The following OPRK1 variants were observed in gnomAD, a reference collection of about 807,000 sequenced individuals.
OPRK1 encodes opioid receptor kappa 1, also known as kappa-type opioid receptor.
Under a neutral mutation model 24.5 loss-of-function variants are expected in OPRK1, and 15 were observed. The ratio of observed to expected loss-of-function variants is 0.61; its 90% CI spans 0.41 to 0.94. The LOEUF (loss-of-function observed/expected upper bound fraction) is 0.94. OPRK1 is among the 40% of genes least tolerant of loss of function. The pLI, the probability that OPRK1 is intolerant of heterozygous loss-of-function variation, is 0.00. For missense variants in OPRK1, 479 were observed against 507.3 expected (o/e 0.94, Z 0.54); for synonymous variants, 205 against 198.0 (o/e 1.04, Z -0.30).
At chr8:53,231,097 G>C (rs10109762) in intron 3 of OPRK1, among the ~76,000 whole-genome samples, 37,124 of 151,958 alleles carry the variant, frequency 0.24, 6,661 homozygotes, top group African/African-American at 0.51. Context: ...AATACCAGAT[G>C]AAACCTTGGA....
intron 3 of OPRK1, among the ~76,000 whole-genome samples, chr8:53,233,352 T>C (rs889323387): frequency 2.0e-5 from 3 of 152,172 alleles, no homozygotes; most frequent in African/African-American, 7.2e-5. Context: ...TAAATGGAAG[T>C]GCCTCTCTGT....
Position 53,235,092 on chromosome 8 carries a change from C to CTGTCT in OPRK1, c.272_276dup (p.Ala93ArgfsTer17). On this transcript the variant is annotated frameshift_variant, in exon 3 of 4. Coordinates refer to ENST00000265572, the MANE Select transcript of OPRK1 (RefSeq NM_000912.5). LOFTEE classifies it high-confidence loss of function. ...AGGTTAAATATGTAAATGTTGGTTG[C>CTGTCT]TGTCTTCATCTTTGTGTATCTAAAA... is the stretch of plus-strand genomic sequence containing the variant. 6.2e-7 allele frequency: 1 copy of CTGTCT among 1,613,414 alleles called. No individual in the cohort carries two copies. Among genetic ancestry groups the CTGTCT allele is most frequent in the Non-Finnish European group, 8.5e-7 (1 of 1,179,500 alleles).
intron 2 of OPRK1, chr8:53,242,642 G>T: frequency 4.3e-6 from 1 of 230,020 alleles, no homozygotes; most frequent in Non-Finnish European, 8.3e-6. Flanking sequence ...GAGTAGCTGG[G>T]ACTACAGGCG....
rs952882985 is a variant in OPRK1 at position 53,237,681 on chromosome 8, G to T, written c.258-2570C>A. On this transcript the variant is annotated intron_variant, in intron 2 of 3. Coordinates refer to ENST00000265572, the MANE Select transcript of OPRK1 (RefSeq NM_000912.5). ...GGCATAGCAGAAATTTAAACCCAGG[G>T]GTTTGATCCCAATTCGTCCATTCTT... Among the ~76,000 whole-genome samples, 10 of 152,180 alleles carry T rather than the reference G, an allele frequency of 6.6e-5. No individual in the cohort carries two copies. In the East Asian group the frequency reaches 1.7e-3, roughly 26 times the overall value.
Position 53,228,641 on chromosome 8 carries a change from T to C in OPRK1, c.*656A>G, listed in dbSNP as rs199687444. ...ATGCTAAGAAAAAAAACTGTAGTTT[T>C]TGGGAAATTAAACCATGTTAAAAAC... is the stretch of plus-strand genomic sequence containing the variant. On this transcript the variant is annotated 3_prime_UTR_variant, in exon 4 of 4. Transcript: ENST00000265572. 2.0e-5 allele frequency: 3 copies of C among 152,256 alleles called. No homozygotes were observed. Among genetic ancestry groups the C allele is most frequent in the African/African-American group, 7.2e-5 (3 of 41,460 alleles). The allele number at this position is 152,256 out of a possible 1,614,324, so 9.4% of individuals were successfully genotyped here.
In OPRK1 at chr8:53,228,976, G is replaced by A. The variant is rs114759757; in HGVS notation, c.*321C>T. ...CTTTTGAAACTACGTTTCATAGGAA[G>A]GCCACAGCAGATGGGTGCTGAACCT... is the stretch of plus-strand genomic sequence containing the variant. On this transcript the variant is annotated 3_prime_UTR_variant, in exon 4 of 4. Transcript: ENST00000265572. 511 of 203,320 alleles carry A rather than the reference G, an allele frequency of 2.5e-3. 5 individuals are homozygous for A. Among genetic ancestry groups the A allele is most frequent in the African/African-American group, 0.011 (487 of 43,504 alleles). The allele number at this position is 203,320 out of a possible 1,614,324, so 12.6% of individuals were successfully genotyped here.
chr8:53,232,289 G>A (rs1025230356), intron 3 of OPRK1, among the ~76,000 whole-genome samples: 3 of 152,156 alleles, frequency 2.0e-5, no homozygotes, highest in Non-Finnish European at 2.9e-5. Flanking sequence ...TAATGCATAC[G>A]AAATACGCTT....
In OPRK1 at chr8:53,228,212, G is replaced by C. The variant is rs199581018; in HGVS notation, c.*1085C>G. The stretch of plus-strand genomic sequence containing the variant: ...ACAGAAGCAAAACACCTTCCTCTCC[G>C]TGAATAGAGAGATCTGCGAATCGCT... On this transcript the variant is annotated 3_prime_UTR_variant, in exon 4 of 4. Coordinates refer to ENST00000265572, the MANE Select transcript of OPRK1 (RefSeq NM_000912.5). 1 of 152,160 alleles carries C rather than the reference G, an allele frequency of 6.6e-6. No homozygotes were observed. Among genetic ancestry groups the C allele is most frequent in the Non-Finnish European group, 1.5e-5 (1 of 68,026 alleles). 9.4% of individuals were successfully genotyped at this position (152,160 alleles called of 1,614,324 possible). A position where few individuals can be genotyped will look rare whatever the true frequency, so the allele number is the denominator to read the frequency against.
At chr8:53,240,860 T>C (rs1381908904) in intron 2 of OPRK1, among the ~76,000 whole-genome samples, 1 of 152,224 alleles carries the variant, frequency 6.6e-6, no homozygotes, top group Non-Finnish European at 1.5e-5. Flanking sequence ...ACACCATACA[T>C]GCACAAAATG....
intron 2 of OPRK1, among the ~76,000 whole-genome samples, chr8:53,238,950 T>G (rs1296486232): frequency 6.6e-6 from 1 of 152,194 alleles, no homozygotes; most frequent in Non-Finnish European, 1.5e-5. Flanking sequence ...TTGCCTAGGT[T>G]TGTTTTCTGT....
chr8:53,251,192 G>A, intron 1 of OPRK1, 107 bp from the exon 2 acceptor site: 2 of 1,241,604 alleles, frequency 1.6e-6, no homozygotes, highest in Non-Finnish European at 1.1e-6. Flanking sequence ...CGGGCCGCAA[G>A]TCGCCGGGGG....
At chr8:53,232,220 C>T (rs1388443025) in intron 3 of OPRK1, among the ~76,000 whole-genome samples, 2 of 151,622 alleles carry the variant, frequency 1.3e-5, no homozygotes, top group Non-Finnish European at 2.9e-5. Context: ...AGAGTAGAAC[C>T]TCTAGAGGTG....
At chr8:53,251,151 G>A (rs1054301725) in intron 1 of OPRK1, 66 bp from the exon 2 acceptor site, 2 of 1,391,934 alleles carry the variant, frequency 1.4e-6, no homozygotes, top group Admixed American at 3.3e-5. Flanking sequence ...GGCCAGCGGC[G>A]CTGGGGACCC....
In OPRK1 at chr8:53,251,451, T is replaced by C. The variant is rs1174376757; in HGVS notation, c.-52A>G. ...ACCTCGAAAGCCCAAAGCTTACCTA[T>C]GGTTCCCAGAGACAGGCGAAGGCGA... On this transcript the variant is annotated 5_prime_UTR_variant, in exon 1 of 4. Coordinates refer to ENST00000265572, the MANE Select transcript of OPRK1 (RefSeq NM_000912.5). 1 of 186,824 alleles carries C rather than the reference T, an allele frequency of 5.4e-6. No homozygotes were observed. Among genetic ancestry groups the C allele is most frequent in the Non-Finnish European group, 1.1e-5 (1 of 92,046 alleles). The allele number at this position is 186,824 out of a possible 1,614,324, so 11.6% of individuals were successfully genotyped here. A position where few individuals can be genotyped will look rare whatever the true frequency, so the allele number is the denominator to read the frequency against.
chr8:53,245,237 T>C (rs1365670450), intron 2 of OPRK1, among the ~76,000 whole-genome samples: 1 of 152,074 alleles, frequency 6.6e-6, no homozygotes, highest in Non-Finnish European at 1.5e-5. Context: ...AAAGAGATAA[T>C]TAAGGTAAAT....
chr8:53,232,655 A>G (rs1806883738), intron 3 of OPRK1, among the ~76,000 whole-genome samples: 2 of 152,216 alleles, frequency 1.3e-5, no homozygotes. Flanking sequence ...GCCTCAGTTT[A>G]ACAAGCAGAT....
chr8:53,246,561 C>A (rs1807233849), intron 2 of OPRK1, among the ~76,000 whole-genome samples: 1 of 151,892 alleles, frequency 6.6e-6, no homozygotes, highest in Non-Finnish European at 1.5e-5. Context: ...AGATTGCAGA[C>A]ACAGTAGAAA....
intron 3 of OPRK1, among the ~76,000 whole-genome samples, chr8:53,232,079 A>G (rs1201715893): frequency 6.6e-6 from 1 of 152,204 alleles, no homozygotes; most frequent in Admixed American, 6.5e-5. Context: ...TGCTGAGGCA[A>G]TCATCAAGAA....
In OPRK1 at chr8:53,234,937, G is replaced by C; in HGVS notation, c.432C>G (p.Thr144=). The change falls in exon 3 of 4, where the codon ACC becomes ACG. Residue 144 remains threonine, a synonymous_variant. Transcript: ENST00000265572. ...VISIDYYNMF[T]SIFTLTMMSV... is the part of the protein sequence containing the mutation. ...TCATCATGGTCAAGGTGAAGATGCT[G>C]GTGAACATGTTGTAGTAATCAATGG... 2.5e-6 allele frequency: 4 copies of C among 1,614,150 alleles called. No homozygotes were observed. Among genetic ancestry groups the C allele is most frequent in the Non-Finnish European group, 3.4e-6 (4 of 1,180,036 alleles).
Sources: allele counts gnomAD v4.1 joint callset (sites outside exome capture counted in the v4.1 genomes callset), GRCh38; gene constraint gnomAD v4.1.1; transcripts MANE v1.5; gene names NCBI Gene and HGNC (gene_info 2026-07-23, HGNC 2026-07-21).